ARHGAP24: variants seen among roughly 807,000 people sequenced by gnomAD.
The protein encoded by ARHGAP24 is rho GTPase-activating protein 24.
ARHGAP24 carries 50 observed loss-of-function variants against 76.4 expected under a neutral mutation model. The observed-to-expected ratio is 0.65, with a 90% CI of 0.52 to 0.83. The LOEUF (loss-of-function observed/expected upper bound fraction) is 0.83. Among genes scored for constraint, ARHGAP24 ranks in the 40% least tolerant of loss-of-function variants. The pLI is 0.00. For synonymous variants in ARHGAP24, 345 were observed against 323.3 expected (o/e 1.07, Z -0.72); for missense variants, 930 against 914.2 (o/e 1.02, Z -0.22).
intron 2 of ARHGAP24, among the ~76,000 whole-genome samples, chr4:85,595,987 CATGCCA>C (rs1157277204): frequency 6.6e-6 from 1 of 151,998 alleles, no homozygotes; most frequent in African/African-American, 2.4e-5. Flanking sequence ...CTCCTATCTG[CATGCCA>C]ATGCCTAGGA....
intron 3 of ARHGAP24, among the ~76,000 whole-genome samples, chr4:85,912,411 G>A (rs1347472176): frequency 3.3e-5 from 5 of 152,046 alleles, no homozygotes; most frequent in Non-Finnish European, 5.9e-5. Flanking sequence ...CACAATGGAC[G>A]GTTAAGCTGT....
chr4:85,674,857 T>G (rs1394871376), intron 2 of ARHGAP24, among the ~76,000 whole-genome samples: 2 of 152,208 alleles, frequency 1.3e-5, no homozygotes. Flanking sequence ...TTACTATTTG[T>G]CTGAGAGTTC....
intron 3 of ARHGAP24, among the ~76,000 whole-genome samples, chr4:85,766,822 G>A (rs1726947453): frequency 1.3e-5 from 2 of 152,134 alleles, no homozygotes; most frequent in South Asian, 4.1e-4. Flanking sequence ...CCTCCTCAGA[G>A]TCAAACAAAA....
intron 2 of ARHGAP24, among the ~76,000 whole-genome samples, chr4:85,712,044 A>G (rs1433274719): frequency 6.6e-6 from 1 of 152,142 alleles, no homozygotes; most frequent in Non-Finnish European, 1.5e-5. Context: ...TCTTATTGCC[A>G]TAGACTTTGC....
intron 3 of ARHGAP24, among the ~76,000 whole-genome samples, chr4:85,886,782 C>A (rs1733591616): frequency 6.6e-6 from 1 of 151,976 alleles, no homozygotes; most frequent in Non-Finnish European, 1.5e-5. Context: ...TTAAATTAAC[C>A]CCTATACTCC....
chr4:85,729,558 A>G (rs984292480), intron 3 of ARHGAP24, among the ~76,000 whole-genome samples: 2 of 152,144 alleles, frequency 1.3e-5, no homozygotes, highest in East Asian at 3.9e-4. Flanking sequence ...ATGAGGAGTG[A>G]GTGTCCTCTC....
intron 1 of ARHGAP24, among the ~76,000 whole-genome samples, chr4:85,496,500 G>A (rs1030625146): frequency 5.9e-5 from 9 of 152,198 alleles, no homozygotes; most frequent in Admixed American, 4.6e-4. Flanking sequence ...TTTCTCCTCT[G>A]ACTTTTGAGA....
At chr4:85,485,858 G>C (rs1024528730) in intron 1 of ARHGAP24, among the ~76,000 whole-genome samples, 1 of 151,154 alleles carries the variant, frequency 6.6e-6, no homozygotes, top group Admixed American at 6.6e-5. Context: ...TCAGCCTCCC[G>C]AGTAGCTGGG....
At chr4:85,556,896 A>G (rs4693116) in intron 1 of ARHGAP24, among the ~76,000 whole-genome samples, 1 of 151,884 alleles carries the variant, frequency 6.6e-6, no homozygotes, top group African/African-American at 2.4e-5. Flanking sequence ...AGAGCCCAGG[A>G]GGGGGTCACT....
Position 85,611,830 on chromosome 4 carries a change from T to C in ARHGAP24, c.180+41109T>C, listed in dbSNP as rs1264416702. ...CAAGAAAAATGTGAGTACATCTTGT[T>C]TTCAAACTCTAACCTGTCTTTCTGT... is the stretch of plus-strand genomic sequence containing the variant. On this transcript the variant is annotated intron_variant, in intron 2 of 9. Transcript: ENST00000395184. 2.0e-5 allele frequency among the ~76,000 whole-genome samples: 3 copies of C among 152,196 alleles called. No homozygotes were observed. In the East Asian group the frequency reaches 5.8e-4, roughly 29 times the overall value.
intron 1 of ARHGAP24, among the ~76,000 whole-genome samples, chr4:85,534,941 A>AG (rs1452880224): frequency 5.2e-4 from 79 of 151,312 alleles, no homozygotes; most frequent in African/African-American, 1.5e-3. Flanking sequence ...AAAAAAAAAA[A>AG]AAAGAAAGAA....
intron 5 of ARHGAP24, among the ~76,000 whole-genome samples, chr4:85,956,955 G>A (rs1011756313): frequency 1.3e-5 from 2 of 152,186 alleles, no homozygotes; most frequent in Admixed American, 6.5e-5. Flanking sequence ...AAATGCCTGG[G>A]TTTATATCCC....
intron 2 of ARHGAP24, among the ~76,000 whole-genome samples, chr4:85,671,388 T>A (rs1420108293): frequency 1.3e-5 from 2 of 152,324 alleles, no homozygotes; most frequent in Middle Eastern, 3.4e-3. Flanking sequence ...TTTGTTGGCA[T>A]CTTTCCTCCT....
chr4:85,664,971 G>GA (rs575683608), intron 2 of ARHGAP24, among the ~76,000 whole-genome samples: 3 of 151,918 alleles, frequency 2.0e-5, no homozygotes. Flanking sequence ...GTATGGTGCT[G>GA]AAAAAAAACA....
chr4:85,718,245 C>T (rs1000264098), intron 2 of ARHGAP24, among the ~76,000 whole-genome samples: 1 of 152,016 alleles, frequency 6.6e-6, no homozygotes, highest in Non-Finnish European at 1.5e-5. Flanking sequence ...CAAGCAAGTA[C>T]TATATAATTC....
At chr4:85,850,102 A>G (rs1578296479) in intron 3 of ARHGAP24, among the ~76,000 whole-genome samples, 1 of 152,168 alleles carries the variant, frequency 6.6e-6, no homozygotes. Context: ...TTGGTAGGCT[A>G]TTAATTATTG....
intron 2 of ARHGAP24, among the ~76,000 whole-genome samples, chr4:85,703,484 T>A (rs1410677996): frequency 6.6e-6 from 1 of 152,038 alleles, no homozygotes; most frequent in Non-Finnish European, 1.5e-5. Context: ...CCCAAGATAA[T>A]GAAATTAGAA....
intron 2 of ARHGAP24, among the ~76,000 whole-genome samples, chr4:85,625,036 TTAA>T (rs945884053): frequency 3.3e-5 from 5 of 152,224 alleles, no homozygotes; most frequent in Non-Finnish European, 4.4e-5. Flanking sequence ...CCTGAATTCA[TTAA>T]TTTTTTGAAG....
chr4:85,483,014 A>G (rs1722877626), intron 1 of ARHGAP24, among the ~76,000 whole-genome samples: 1 of 152,194 alleles, frequency 6.6e-6, no homozygotes, highest in Non-Finnish European at 1.5e-5. Flanking sequence ...CACCGATTTT[A>G]ACTACAGTTT....
Sources: gnomAD v4.1 joint callset for allele counts (sites outside exome capture counted in the v4.1 genomes callset) on GRCh38, gnomAD v4.1.1 for gene constraint, MANE v1.5 for transcripts, NCBI Gene and HGNC (gene_info 2026-07-23, HGNC 2026-07-21) for gene names.